The following NEK10 variants were observed in gnomAD, a reference collection of about 807,000 sequenced individuals.
NEK10 encodes the protein serine/threonine-protein kinase Nek10.
Under a neutral mutation model 159.8 loss-of-function variants are expected in NEK10, and 122 were observed. That is an observed-to-expected ratio of 0.76 (90% CI 0.66 to 0.89). The LOEUF (loss-of-function observed/expected upper bound fraction) is 0.89, where lower values mean the gene tolerates loss of function less well. Among genes scored for constraint, NEK10 ranks in the 40% least tolerant of loss-of-function variants. The pLI is 0.00. For missense variants in NEK10, 1,342 were observed against 1,323.1 expected (o/e 1.01, Z -0.22); for synonymous variants, 466 against 457.1 (o/e 1.02, Z -0.25).
At chr3:27,217,928 G>A (rs1951696548) in intron 23 of NEK10, among the ~76,000 whole-genome samples, 1 of 152,056 alleles carries the variant, frequency 6.6e-6, no homozygotes, top group Admixed American at 6.5e-5. Flanking sequence ...TAATAAATTA[G>A]ATACAGTAAG....
chr3:27,200,165 G>C (rs1482039481), intron 25 of NEK10, among the ~76,000 whole-genome samples: 1 of 152,056 alleles, frequency 6.6e-6, no homozygotes, highest in African/African-American at 2.4e-5. Flanking sequence ...TTGTGCCAAA[G>C]AAAGAAAGGT....
intron 22 of NEK10, among the ~76,000 whole-genome samples, chr3:27,266,041 G>A (rs765341086): frequency 1.5e-4 from 23 of 151,976 alleles, no homozygotes; most frequent in Non-Finnish European, 2.9e-4. Context: ...TCCTGACCTC[G>A]TGATCCACCT....
intron 23 of NEK10, among the ~76,000 whole-genome samples, chr3:27,213,117 T>TGAG (rs1951166949): frequency 6.6e-6 from 1 of 152,238 alleles, no homozygotes; most frequent in Non-Finnish European, 1.5e-5. Context: ...ACAGGGCTCT[T>TGAG]GAGCCCCTAT....
chr3:27,198,227 C>G (rs1447091740), intron 25 of NEK10, among the ~76,000 whole-genome samples: 1 of 151,340 alleles, frequency 6.6e-6, no homozygotes, highest in African/African-American at 2.4e-5. Flanking sequence ...AGATTCAATG[C>G]TATTCTTATC....
chr3:27,198,606 T>C (rs1233118698), intron 25 of NEK10, among the ~76,000 whole-genome samples: 1 of 151,820 alleles, frequency 6.6e-6, no homozygotes, highest in Non-Finnish European at 1.5e-5. Context: ...GAAAATGAAC[T>C]CCTTTACAAA....
Position 27,174,833 on chromosome 3 carries a change from C to A in NEK10, c.2506G>T (p.Glu836Ter). 6.4e-7 allele frequency: 1 copy of A among 1,570,150 alleles called. No homozygotes were observed. Among genetic ancestry groups the A allele is most frequent in the South Asian group, 1.2e-5 (1 of 84,020 alleles). The change falls in exon 27 of 36, where the codon GAG (glutamate) becomes TAG (stop). Residue 836 changes from glutamate (E) to a stop codon, truncating the protein, a stop_gained and splice_region_variant. Transcript: ENST00000691995. LOFTEE classifies it high-confidence loss of function. Reference protein sequence around the residue: ...CHHELAVLSHETFEKASLSSS... With the variant: ...CHHELAVLSH Reference sequence around the variant, plus strand: ...CTCAAACTTGCCTTCTCAAAGGTCTCCTGGAAAGAGAAATTCAGTTTTTCA... The same window carrying A: ...CTCAAACTTGCCTTCTCAAAGGTCTACTGGAAAGAGAAATTCAGTTTTTCA...
chr3:27,238,935 G>C (rs1159683120), intron 23 of NEK10, among the ~76,000 whole-genome samples: 1 of 151,992 alleles, frequency 6.6e-6, no homozygotes, highest in Non-Finnish European at 1.5e-5. Flanking sequence ...TTGGTTACTT[G>C]GTTATACCCT....
chr3:27,334,313 C>T (rs529564778), intron 5 of NEK10, among the ~76,000 whole-genome samples: 1 of 152,322 alleles, frequency 6.6e-6, no homozygotes, highest in South Asian at 2.1e-4. Context: ...GTTAGTCCTA[C>T]AACTGCCACT....
chr3:27,312,563 T>A (rs1433716891), intron 7 of NEK10, among the ~76,000 whole-genome samples: 1 of 152,152 alleles, frequency 6.6e-6, no homozygotes, highest in Non-Finnish European at 1.5e-5. Flanking sequence ...TTTTTTATAA[T>A]ACATTGTATA....
In NEK10 at chr3:27,284,679, T is replaced by C. The variant is rs754158470; in HGVS notation, c.1937A>G (p.His646Arg). Residue 646 changes from histidine (H) to arginine (R), a missense_variant, in exon 22 of 36, where the codon CAC (histidine) becomes CGC (arginine). His to Arg is a conservative substitution (Grantham distance 29). Transcript: ENST00000691995. ...IQLCLALRYLHKEKRIVHRDL... is the reference protein window; with the variant it reads ...IQLCLALRYLRKEKRIVHRDL... Reference sequence around the variant, plus strand: ...TCTATGGACAATCCTCTTCTCCTTGTGTAAGTATCGAAGAGCTAAGCACAG... The same window carrying C: ...TCTATGGACAATCCTCTTCTCCTTGCGTAAGTATCGAAGAGCTAAGCACAG... 7 of 1,610,698 alleles carry C rather than the reference T, an allele frequency of 4.3e-6. No individual in the cohort carries two copies. The highest frequency in any genetic ancestry group is 5.9e-6 in the Non-Finnish European group (7 of 1,176,942).
Position 27,291,552 on chromosome 3 carries a change from C to A in NEK10, c.1408G>T (p.Asp470Tyr), listed in dbSNP as rs1249215263. ...FPTDLFEIFI[D>Y]IGHYVRDISA... ...ATATCACGTACATAATGCCCTATGTCAATGAAGATCTCAAACAAGTCTGTG... is the reference window on the plus strand; with the variant it reads ...ATATCACGTACATAATGCCCTATGTAAATGAAGATCTCAAACAAGTCTGTG... The change falls in exon 17 of 36, where the codon GAC becomes TAC. Residue 470 changes from aspartate to tyrosine, a missense_variant. Coordinates refer to ENST00000691995, the MANE Select transcript of NEK10 (RefSeq NM_001394966.1). 6.2e-7 allele frequency: 1 copy of A among 1,608,140 alleles called. No individual in the cohort carries two copies. The highest frequency in any genetic ancestry group is 1.3e-5 in the African/African-American group (1 of 74,824).
intron 32 of NEK10, among the ~76,000 whole-genome samples, chr3:27,130,613 G>A (rs992419773): frequency 1.3e-5 from 2 of 152,136 alleles, no homozygotes; most frequent in African/African-American, 4.8e-5. Flanking sequence ...TAGGATTTCT[G>A]TTAAAATAAG....
At chr3:27,327,259 G>C (rs1358915606) in intron 5 of NEK10, among the ~76,000 whole-genome samples, 1 of 151,052 alleles carries the variant, frequency 6.6e-6, no homozygotes, top group South Asian at 2.1e-4. Context: ...ATTCAGCAGA[G>C]TGGCATGGGG....
intron 26 of NEK10, among the ~76,000 whole-genome samples, chr3:27,180,714 C>A (rs1169086562): frequency 6.6e-6 from 1 of 152,060 alleles, no homozygotes; most frequent in Non-Finnish European, 1.5e-5. Context: ...TGTCAAAATT[C>A]CAAACTGATT....
At chr3:27,150,416 T>A (rs535518378) in intron 30 of NEK10, among the ~76,000 whole-genome samples, 4 of 152,288 alleles carry the variant, frequency 2.6e-5, no homozygotes, top group African/African-American at 9.6e-5. Flanking sequence ...CAGGTAATCT[T>A]AGGTTGAAGC....
chr3:27,206,229 T>G (rs1370804499), intron 23 of NEK10, among the ~76,000 whole-genome samples: 3 of 152,158 alleles, frequency 2.0e-5, no homozygotes, highest in Non-Finnish European at 4.4e-5. Context: ...ACTCAGCCAG[T>G]AAACATGACT....
chr3:27,333,233 A>G (rs1332871594), intron 5 of NEK10, among the ~76,000 whole-genome samples: 1 of 152,076 alleles, frequency 6.6e-6, no homozygotes, highest in African/African-American at 2.4e-5. Context: ...GACTCCTGCA[A>G]TCCTAGCCAT....
At chr3:27,160,473 G>C (rs1161910977) in intron 30 of NEK10, among the ~76,000 whole-genome samples, 1 of 152,166 alleles carries the variant, frequency 6.6e-6, no homozygotes, top group Admixed American at 6.6e-5. Context: ...TGAAGGTTGA[G>C]AAAAATAAAG....
chr3:27,253,280 T>A (rs768458593), intron 23 of NEK10, among the ~76,000 whole-genome samples: 1 of 152,198 alleles, frequency 6.6e-6, no homozygotes, highest in Non-Finnish European at 1.5e-5. Flanking sequence ...AAATCCCATA[T>A]ATGTTCTGTG....
Sources: allele counts gnomAD v4.1 joint callset (sites outside exome capture counted in the v4.1 genomes callset), GRCh38; gene constraint gnomAD v4.1.1; transcripts MANE v1.5; gene names NCBI Gene and HGNC (gene_info 2026-07-23, HGNC 2026-07-21).